SHB: variants seen among roughly 807,000 people sequenced by gnomAD.
The protein encoded by SHB is SH2 domain containing adaptor protein B.
In SHB, 20 loss-of-function variants were observed where a neutral mutation model predicts 52.3. The ratio of observed to expected loss-of-function variants is 0.38; its 90% CI spans 0.27 to 0.56. SHB has a LOEUF of 0.56. SHB is among the 20% of genes least tolerant of loss of function. SHB has a pLI of 0.71. For missense variants in SHB, 825 were observed against 723.3 expected, an observed-to-expected ratio of 1.14 and a Z score of -1.61; for synonymous variants, 397 against 316.5, an observed-to-expected ratio of 1.25 and a Z score of -2.70.
chr9:38,013,778 T>A (rs956494566), intron 2 of SHB, among the ~76,000 whole-genome samples: 9 of 152,170 alleles, frequency 5.9e-5, no homozygotes, highest in African/African-American at 2.2e-4. Flanking sequence ...CCCCCTTCCA[T>A]TCCCGAGTGT....
At chr9:37,988,159 G>T (rs1224668187) in intron 2 of SHB, among the ~76,000 whole-genome samples, 1 of 152,156 alleles carries the variant, frequency 6.6e-6, no homozygotes, top group Non-Finnish European at 1.5e-5. Flanking sequence ...CTTCACTTTG[G>T]AACTGCTTCA....
intron 2 of SHB, among the ~76,000 whole-genome samples, chr9:38,008,704 T>C (rs575779343): frequency 6.6e-6 from 1 of 152,216 alleles, no homozygotes; most frequent in East Asian, 1.9e-4. Context: ...TCAAGGACAG[T>C]TCCATCCTGC....
intron 3 of SHB, among the ~76,000 whole-genome samples, chr9:37,959,052 G>A (rs1832666628): frequency 6.6e-6 from 1 of 152,164 alleles, no homozygotes; most frequent in Non-Finnish European, 1.5e-5. Context: ...CAGAGAATGG[G>A]CTTTAGAGAC....
At chr9:37,994,136 T>C (rs1398255024) in intron 2 of SHB, among the ~76,000 whole-genome samples, 25 of 152,308 alleles carry the variant, frequency 1.6e-4, no homozygotes. Context: ...CTTTGTTACT[T>C]TATAGATGGT....
intron 1 of SHB, among the ~76,000 whole-genome samples, chr9:38,018,383 C>G (rs186478009): frequency 6.6e-6 from 1 of 152,192 alleles, no homozygotes; most frequent in African/African-American, 2.4e-5. Context: ...GGAGCTGCGG[C>G]TGCCTGCTCC....
intron 5 of SHB, among the ~76,000 whole-genome samples, chr9:37,923,461 C>T (rs1017167855): frequency 6.6e-6 from 1 of 152,182 alleles, no homozygotes; most frequent in Non-Finnish European, 1.5e-5. Flanking sequence ...CCCAGGGGTC[C>T]GAGGTCCCGA....
intron 1 of SHB, 96 bp downstream of exon 1, chr9:38,067,833 T>C: frequency 7.7e-7 from 1 of 1,291,296 alleles, no homozygotes; most frequent in Non-Finnish European, 1.0e-6. Context: ...AGGCCGAAGC[T>C]GAAGTAGAGA....
chr9:37,967,122 G>A (rs1349318563), intron 3 of SHB, among the ~76,000 whole-genome samples: 1 of 152,198 alleles, frequency 6.6e-6, no homozygotes, highest in Non-Finnish European at 1.5e-5. Context: ...CTTCACTACT[G>A]TCATCTGAGT....
intron 3 of SHB, among the ~76,000 whole-genome samples, chr9:37,963,184 G>A (rs1832712771): frequency 6.6e-6 from 1 of 152,168 alleles, no homozygotes. Context: ...GGGGATAGGG[G>A]GTCATTCAAA....
At chr9:37,966,346 A>C (rs116517348) in intron 3 of SHB, among the ~76,000 whole-genome samples, 1 of 152,236 alleles carries the variant, frequency 6.6e-6, no homozygotes, top group Admixed American at 6.5e-5. Context: ...TATTTCTATC[A>C]ATGTAATTAG....
chr9:38,056,392 C>T lies in SHB; in HGVS notation c.717+11537G>A, dbSNP rs1019513931. 4.6e-5 allele frequency among the ~76,000 whole-genome samples: 7 copies of T among 152,150 alleles called. No individual in the cohort carries two copies. The East Asian group carries it at 7.7e-4, about 17-fold the overall frequency. ...TGTCTTCCAGGCTGGAATACACTGG[C>T]GCAATCTCAGTTCACTGCAACCTCT... On this transcript the variant is annotated intron_variant, in intron 1 of 5. Coordinates refer to ENST00000377707, the MANE Select transcript of SHB (RefSeq NM_003028.3).
intron 1 of SHB, among the ~76,000 whole-genome samples, chr9:38,056,495 G>A (rs1250854116): frequency 3.3e-5 from 5 of 152,096 alleles, no homozygotes; most frequent in Non-Finnish European, 1.5e-5. Context: ...CCACACACAG[G>A]TAATTTTCTG....
chr9:38,063,742 TTC>T (rs1412847842), intron 1 of SHB, among the ~76,000 whole-genome samples: 1 of 152,118 alleles, frequency 6.6e-6, no homozygotes, highest in Non-Finnish European at 1.5e-5. Context: ...CACCACTTAC[TTC>T]TCTCTGAATT....
chr9:37,949,101 C>T (rs1429119300), intron 4 of SHB, among the ~76,000 whole-genome samples: 1 of 152,068 alleles, frequency 6.6e-6, no homozygotes, highest in African/African-American at 2.4e-5. Context: ...GGCAGGGTGG[C>T]CAGGGAAGCC....
rs377380795 is a variant in SHB, at chr9:38,049,725, G to A, written c.717+18204C>T. Among the ~76,000 whole-genome samples, 30 of 151,390 alleles carry A rather than the reference G, an allele frequency of 2.0e-4. 1 individual carries two copies. The highest frequency in any genetic ancestry group is 3.5e-3 in the Middle Eastern group (1 of 286). Reference sequence around the variant, plus strand: ...GACCCTGAACCCAGACTAACCCTGGGCACTAACACTGGCCCACACTGCTTC... The same window carrying A: ...GACCCTGAACCCAGACTAACCCTGGACACTAACACTGGCCCACACTGCTTC... On this transcript the variant is annotated intron_variant, in intron 1 of 5. Coordinates refer to ENST00000377707, the MANE Select transcript of SHB (RefSeq NM_003028.3).
chr9:38,047,575 A>T (rs1296774815), intron 1 of SHB, among the ~76,000 whole-genome samples: 1 of 152,266 alleles, frequency 6.6e-6, no homozygotes, highest in Non-Finnish European at 1.5e-5. Context: ...TAATGCCTTC[A>T]GCAGGACCAC....
At chr9:37,959,341 G>A (rs1199916174) in intron 3 of SHB, among the ~76,000 whole-genome samples, 1 of 152,140 alleles carries the variant, frequency 6.6e-6, no homozygotes, top group Non-Finnish European at 1.5e-5. Flanking sequence ...CTAATTTTCT[G>A]GTTGTCAGGA....
intron 3 of SHB, among the ~76,000 whole-genome samples, chr9:37,970,913 T>G (rs1347086300): frequency 1.3e-5 from 2 of 151,932 alleles, no homozygotes; most frequent in Admixed American, 6.6e-5. Flanking sequence ...ACTGACCCCA[T>G]TCCCCGCCCA....
chr9:38,052,373 C>G (rs899471343), intron 1 of SHB, among the ~76,000 whole-genome samples: 1 of 152,226 alleles, frequency 6.6e-6, no homozygotes, highest in African/African-American at 2.4e-5. Flanking sequence ...GACTCCGTGA[C>G]CCCAGCACAT....
Sources: gnomAD v4.1 joint callset for allele counts (sites outside exome capture counted in the v4.1 genomes callset) on GRCh38, gnomAD v4.1.1 for gene constraint, MANE v1.5 for transcripts, NCBI Gene and HGNC (gene_info 2026-07-23, HGNC 2026-07-21) for gene names.